Variants in TLR4 observed in about 807,000 individuals in gnomAD.
The protein encoded by TLR4 is toll-like receptor 4.
A neutral mutation model predicts 27.4 loss-of-function variants in TLR4; 17 were observed. That is an observed-to-expected ratio of 0.62 (90% CI 0.42 to 0.93). The LOEUF (loss-of-function observed/expected upper bound fraction) is 0.93. Among genes scored for constraint, TLR4 ranks in the 40% least tolerant of loss-of-function variants. The pLI is 0.00. For missense variants in TLR4, 926 were observed against 962.3 expected, an observed-to-expected ratio of 0.96 and a Z score of 0.50; for synonymous variants, 363 against 365.7, an observed-to-expected ratio of 0.99 and a Z score of 0.08.
chr9:117,716,552 G>C lies in TLR4; in HGVS notation c.*1904G>C, dbSNP rs1445168348. 1 of 152,144 alleles carries C rather than the reference G, an allele frequency of 6.6e-6. No individual in the cohort carries two copies. Among genetic ancestry groups the C allele is most frequent in the Admixed American group, 6.6e-5 (1 of 15,258 alleles). The allele number at this position is 152,144 out of a possible 1,614,324, so 9.4% of individuals were successfully genotyped here. On this transcript the variant is annotated 3_prime_UTR_variant, in exon 3 of 3. Coordinates refer to ENST00000355622, the MANE Select transcript of TLR4 (RefSeq NM_138554.5). ...AGAGAATAGAACAGTGGTTCCTAGG[G>C]AAAAGGAGGAAGGGAGAAATGAGGA...
rs761526616 is a variant in TLR4, at chr9:117,712,850, A to G, written c.722A>G (p.Asn241Ser). 10 of 1,614,042 alleles carry G rather than the reference A, an allele frequency of 6.2e-6. No homozygotes were observed. In the South Asian group the frequency reaches 9.9e-5, roughly 16 times the overall value. Residue 241 changes from asparagine (N) to serine (S), a missense_variant, in exon 3 of 3, where the codon AAT becomes AGT. By Grantham distance (46) the Asn-to-Ser change is conservative (BLOSUM62 1). Transcript: ENST00000355622. ...LTLRNNFDSL[N>S]VMKTCIQGLA... ...TTAAGAAATAATTTTGATAGTTTAA[A>G]TGTAATGAAAACTTGTATTCAAGGT...
At position 117,704,487 on chromosome 9, in the gene TLR4, G is replaced by A. The variant is rs199500883; in HGVS notation, c.15G>A (p.Ser5=). 1.4e-5 allele frequency: 22 copies of A among 1,613,098 alleles called. No individual in the cohort carries two copies. The Middle Eastern group carries it at 6.6e-4, about 48-fold the overall frequency. The change falls in exon 1 of 3, where the codon TCG becomes TCA. Residue 5 remains serine, a synonymous_variant. Coordinates refer to ENST00000355622, the MANE Select transcript of TLR4 (RefSeq NM_138554.5). MMSA[S]RLAGTLIPAM... is the part of the protein sequence containing the mutation. ...ATGATGCCAGGATGATGTCTGCCTCGCGCCTGGCTGGGACTCTGATCCCAG... is the reference window on the plus strand; with the variant it reads ...ATGATGCCAGGATGATGTCTGCCTCACGCCTGGCTGGGACTCTGATCCCAG...
chr9:117,704,663 AGAGTTAAATTACCTT>A, intron 1 of TLR4, 98 bp downstream of exon 1: 2 of 883,590 alleles, frequency 2.3e-6, no homozygotes, highest in Non-Finnish European at 3.6e-6. Context: ...AAAAAAAAAA[AGAGTTAAATTACCTT>A]AAAGACTCAA....
chr9:117,707,556 G>A (rs2131163740), intron 1 of TLR4, among the ~76,000 whole-genome samples: 1 of 152,302 alleles, frequency 6.6e-6, no homozygotes. Flanking sequence ...GCTTCTGCAA[G>A]GAATTTTGTT....
chr9:117,718,274 A>G lies in TLR4; in HGVS notation c.*3626A>G, dbSNP rs1829382194. ...TTGCTTCATGCTTAAAGTTGGCAAAACAGGAAGTGAAACTCCTGCAGTTTT... is the reference window on the plus strand; with the variant it reads ...TTGCTTCATGCTTAAAGTTGGCAAAGCAGGAAGTGAAACTCCTGCAGTTTT... On this transcript the variant is annotated 3_prime_UTR_variant, in exon 3 of 3. Transcript: ENST00000355622. The G allele has an allele frequency of 6.6e-6, 1 of 152,086 alleles. No homozygotes were observed. The highest frequency in any genetic ancestry group is 1.5e-5 in the Non-Finnish European group (1 of 68,010). The allele number at this position is 152,086 out of a possible 1,614,324, so 9.4% of individuals were successfully genotyped here. A position where few individuals can be genotyped will look rare whatever the true frequency, so the allele number is the denominator to read the frequency against.
chr9:117,714,897 G>T lies in TLR4; in HGVS notation c.*249G>T. 2 of 544,430 alleles carry T rather than the reference G, an allele frequency of 3.7e-6. No homozygotes were observed. The highest frequency in any genetic ancestry group is 4.3e-5 in the South Asian group (2 of 46,806). 33.7% of individuals were successfully genotyped at this position (544,430 alleles called of 1,614,324 possible). A position where few individuals can be genotyped will look rare whatever the true frequency, so the allele number is the denominator to read the frequency against. ...ACTCAGTCAAGGAACCCATGACAAA[G>T]AAAGTCATTTCAACTCTTACCTCAT... On this transcript the variant is annotated 3_prime_UTR_variant, in exon 3 of 3. Coordinates refer to ENST00000355622, the MANE Select transcript of TLR4 (RefSeq NM_138554.5).
chr9:117,713,499 T>A lies in TLR4; in HGVS notation c.1371T>A (p.Thr457=). Residue 457 remains threonine (T), a synonymous_variant, in exon 3 of 3, where the codon ACT becomes ACA. Coordinates refer to ENST00000355622, the MANE Select transcript of TLR4 (RefSeq NM_138554.5). ...TCATTTACCTTGACATTTCTCATAC[T>A]CACACCAGAGTTGCTTTCAATGGCA... The part of the protein sequence containing the change: ...RNLIYLDISH[T]HTRVAFNGIF... 6.2e-7 allele frequency: 1 copy of A among 1,614,138 alleles called. No individual in the cohort carries two copies. The highest frequency in any genetic ancestry group is 1.7e-5 in the Admixed American group (1 of 60,012).
rs962620680 is a variant in TLR4 at position 117,720,204 on chromosome 9, A to G, written c.*5556A>G. ...TTGTTCAATAGGAAGGAGCAGAATC[A>G]GGATATGAACTTGGGTTGGCCTGAT... is the stretch of plus-strand genomic sequence containing the variant. On this transcript the variant is annotated 3_prime_UTR_variant, in exon 3 of 3. Coordinates refer to ENST00000355622, the MANE Select transcript of TLR4 (RefSeq NM_138554.5). 1 of 152,196 alleles carries G rather than the reference A, an allele frequency of 6.6e-6. No homozygotes were observed. The highest frequency in any genetic ancestry group is 1.5e-5 in the Non-Finnish European group (1 of 68,044). The allele number at this position is 152,196 out of a possible 1,614,324, so 9.4% of individuals were successfully genotyped here.
rs1829360659 is a variant in TLR4, at chr9:117,717,071, C to T, written c.*2423C>T. On this transcript the variant is annotated 3_prime_UTR_variant, in exon 3 of 3. Transcript: ENST00000355622. Reference sequence around the variant, plus strand: ...GAAAGTAGATGTGTGCATTTGTGCACATATCCCTATGTATCCCTATCAGGG... The same window carrying T: ...GAAAGTAGATGTGTGCATTTGTGCATATATCCCTATGTATCCCTATCAGGG... 6.6e-6 allele frequency: 1 copy of T among 152,144 alleles called. No individual in the cohort carries two copies. Among genetic ancestry groups the T allele is most frequent in the Non-Finnish European group, 1.5e-5 (1 of 68,044 alleles). The allele number at this position is 152,144 out of a possible 1,614,324, so 9.4% of individuals were successfully genotyped here.
chr9:117,704,552 A>T lies in TLR4; in HGVS notation c.80A>T (p.Glu27Val), dbSNP rs1186652911. ...FLSCVRPESWEPCVEVVPNIT... is the reference protein window; with the variant it reads ...FLSCVRPESWVPCVEVVPNIT... ...TCCTGCGTGAGACCAGAAAGCTGGG[A>T]GCCCTGCGTGGAGGTATGTGGCTGG... is the stretch of plus-strand genomic sequence containing the variant. Residue 27 changes from glutamate to valine, a missense_variant, in exon 1 of 3, where the codon GAG becomes GTG. Glu to Val is a moderately radical substitution (Grantham distance 121). Transcript: ENST00000355622. 2 of 1,613,780 alleles carry T rather than the reference A, an allele frequency of 1.2e-6. No individual in the cohort carries two copies. Among genetic ancestry groups the T allele is most frequent in the Non-Finnish European group, 8.5e-7 (1 of 1,179,912 alleles).
intron 1 of TLR4, among the ~76,000 whole-genome samples, chr9:117,704,910 G>T (rs2131160616): frequency 6.6e-6 from 1 of 152,260 alleles, no homozygotes; most frequent in Non-Finnish European, 1.5e-5. Context: ...CTTCACTAGA[G>T]AGTAAGCAGA....
Position 117,722,500 on chromosome 9 carries a change from A to G in TLR4, c.*7852A>G, listed in dbSNP as rs757462147. Reference sequence around the variant, plus strand: ...AATGGCAGGGGATGAATATCTGGCTAGTGCTGTGCTCAGCTGAGTTATTAA... The same window carrying G: ...AATGGCAGGGGATGAATATCTGGCTGGTGCTGTGCTCAGCTGAGTTATTAA... On this transcript the variant is annotated 3_prime_UTR_variant, in exon 3 of 3. Transcript: ENST00000355622. 6.6e-6 allele frequency: 1 copy of G among 152,214 alleles called. No individual in the cohort carries two copies. Among genetic ancestry groups the G allele is most frequent in the Non-Finnish European group, 1.5e-5 (1 of 68,052 alleles). The allele number at this position is 152,214 out of a possible 1,614,324, so 9.4% of individuals were successfully genotyped here. A position where few individuals can be genotyped will look rare whatever the true frequency, so the allele number is the denominator to read the frequency against.
rs1829397258 is a variant in TLR4 at position 117,719,399 on chromosome 9, A to G, written c.*4751A>G. On this transcript the variant is annotated 3_prime_UTR_variant, in exon 3 of 3. Coordinates refer to ENST00000355622, the MANE Select transcript of TLR4 (RefSeq NM_138554.5). The stretch of plus-strand genomic sequence containing the variant: ...GGATCTAAGTCCACTTCACCGCAGA[A>G]GCAGGGCTTCTAAATACTGTTCTAT... The G allele has an allele frequency of 6.6e-6, 1 of 152,208 alleles. No individual in the cohort carries two copies. Among genetic ancestry groups the G allele is most frequent in the African/African-American group, 2.4e-5 (1 of 41,452 alleles). 9.4% of individuals were successfully genotyped at this position (152,208 alleles called of 1,614,324 possible). A position where few individuals can be genotyped will look rare whatever the true frequency, so the allele number is the denominator to read the frequency against.
chr9:117,706,508 G>C (rs924873026), intron 1 of TLR4, among the ~76,000 whole-genome samples: 2 of 152,146 alleles, frequency 1.3e-5, no homozygotes, highest in Admixed American at 1.3e-4. Context: ...AGTGATAAAT[G>C]ATTGAAATAA....
At position 117,714,102 on chromosome 9, in the gene TLR4, G is replaced by A. The variant is rs923248771; in HGVS notation, c.1974G>A (p.Leu658=). 6.2e-7 allele frequency: 1 copy of A among 1,614,050 alleles called. No individual in the cohort carries two copies. The highest frequency in any genetic ancestry group is 1.3e-5 in the African/African-American group (1 of 75,018). ...TGGTCTATAAGTTCTATTTTCACCT[G>A]ATGCTTCTTGCTGGCTGCATAAAGT... ...AVLVYKFYFH[L]MLLAGCIKYG... is the part of the protein sequence containing the mutation. Residue 658 remains leucine (L), a synonymous_variant, in exon 3 of 3, where the codon CTG becomes CTA. Transcript: ENST00000355622.
intron 2 of TLR4, chr9:117,708,993 A>G (rs974031009): frequency 2.8e-5 from 12 of 422,290 alleles, no homozygotes; most frequent in Non-Finnish European, 4.8e-5. Flanking sequence ...GACAGGAGAG[A>G]AAATTAGCTT....
intron 1 of TLR4, among the ~76,000 whole-genome samples, chr9:117,705,625 C>A (rs894431068): frequency 2.0e-5 from 3 of 152,178 alleles, no homozygotes; most frequent in Admixed American, 6.5e-5. Context: ...CCCTGCCCAT[C>A]CCCTTAGTTC....
rs1829427520 is a variant in TLR4, at chr9:117,721,947, A to C, written c.*7299A>C. 1 of 152,158 alleles carries C rather than the reference A, an allele frequency of 6.6e-6. No homozygotes were observed. The highest frequency in any genetic ancestry group is 1.5e-5 in the Non-Finnish European group (1 of 68,038). 9.4% of individuals were successfully genotyped at this position (152,158 alleles called of 1,614,324 possible). On this transcript the variant is annotated 3_prime_UTR_variant, in exon 3 of 3. Coordinates refer to ENST00000355622, the MANE Select transcript of TLR4 (RefSeq NM_138554.5). ...TGGGATACTAGGATTGGCCTATTTG[A>C]TGGTGAGCTCACTACATCCATTTAG... is the stretch of plus-strand genomic sequence containing the variant.
At position 117,720,254 on chromosome 9, in the gene TLR4, A is replaced by G. The variant is rs73529290; in HGVS notation, c.*5606A>G. 0.05 allele frequency: 7,586 copies of G among 152,208 alleles called. 203 individuals carry two copies. Among genetic ancestry groups the G allele is most frequent in the African/African-American group, 0.058 (2,429 of 41,536 alleles). The allele number at this position is 152,208 out of a possible 1,614,324, so 9.4% of individuals were successfully genotyped here. A position where few individuals can be genotyped will look rare whatever the true frequency, so the allele number is the denominator to read the frequency against. ...TTCTTGGGGCTGCATTCTTTCCATA[A>G]CATAATTGCTTGCTGTGATGTCCTG... On this transcript the variant is annotated 3_prime_UTR_variant, in exon 3 of 3. Coordinates refer to ENST00000355622, the MANE Select transcript of TLR4 (RefSeq NM_138554.5).
Sources: allele counts gnomAD v4.1 joint callset (sites outside exome capture counted in the v4.1 genomes callset), GRCh38; gene constraint gnomAD v4.1.1; transcripts MANE v1.5; gene names NCBI Gene and HGNC (gene_info 2026-07-23, HGNC 2026-07-21).